PLCL2: variants seen among roughly 807,000 people sequenced by gnomAD.
The protein encoded by PLCL2 is phospholipase C like 2.
PLCL2 carries 4 observed loss-of-function variants against 79.6 expected under a neutral mutation model. The ratio of observed to expected loss-of-function variants is 0.05; its 90% CI spans 0.02 to 0.11. The LOEUF is 0.11. Among genes scored for constraint, PLCL2 ranks in the 10% least tolerant of loss-of-function variants. The pLI is 1.00. For missense variants in PLCL2, 895 were observed against 1,291.0 expected, an observed-to-expected ratio of 0.69 and a Z score of 4.70; for synonymous variants, 484 against 457.7, an observed-to-expected ratio of 1.06 and a Z score of -0.73.
At chr3:16,946,711 A>G (rs1196778535) in intron 1 of PLCL2, among the ~76,000 whole-genome samples, 2 of 152,134 alleles carry the variant, frequency 1.3e-5, no homozygotes. Context: ...TTTCTAGTCT[A>G]TAAATGGAAT....
intron 1 of PLCL2, among the ~76,000 whole-genome samples, chr3:16,979,601 C>A (rs2063960057): frequency 7.7e-6 from 1 of 130,024 alleles, no homozygotes; most frequent in Non-Finnish European, 1.6e-5. Flanking sequence ...CGCCCTTAAT[C>A]CATTCAACCC....
At chr3:17,035,308 C>T (rs1426873158) in intron 3 of PLCL2, among the ~76,000 whole-genome samples, 1 of 152,030 alleles carries the variant, frequency 6.6e-6, no homozygotes, top group African/African-American at 2.4e-5. Context: ...AACATGTTTA[C>T]TTGTAAACTG....
At chr3:17,001,920 T>C (rs1292935728) in intron 1 of PLCL2, among the ~76,000 whole-genome samples, 1 of 151,970 alleles carries the variant, frequency 6.6e-6, no homozygotes, top group Non-Finnish European at 1.5e-5. Flanking sequence ...TTGCATTAAA[T>C]TGATAGATCA....
chr3:17,088,054 T>C (rs1195422514), intron 5 of PLCL2, among the ~76,000 whole-genome samples: 1 of 152,212 alleles, frequency 6.6e-6, no homozygotes, highest in Non-Finnish European at 1.5e-5. Context: ...TTAGTTAATC[T>C]ACGCAAGGGA....
At chr3:16,928,005 C>T (rs1697298060) in intron 1 of PLCL2, among the ~76,000 whole-genome samples, 1 of 152,210 alleles carries the variant, frequency 6.6e-6, no homozygotes, top group Non-Finnish European at 1.5e-5. Flanking sequence ...AACATACTCC[C>T]ATTCCTGTGC....
intron 1 of PLCL2, among the ~76,000 whole-genome samples, chr3:17,001,373 C>T (rs2064209421): frequency 6.6e-6 from 1 of 151,968 alleles, no homozygotes; most frequent in Non-Finnish European, 1.5e-5. Flanking sequence ...AATGTAATCC[C>T]ATTTATTTAT....
chr3:16,953,750 T>C (rs181879969), intron 1 of PLCL2, among the ~76,000 whole-genome samples: 93 of 152,258 alleles, frequency 6.1e-4, no homozygotes, highest in Middle Eastern at 3.4e-3. Flanking sequence ...GTCCAGACTT[T>C]AAAAACCTCC....
At chr3:17,080,522 C>T (rs2065152191) in intron 5 of PLCL2, among the ~76,000 whole-genome samples, 2 of 152,142 alleles carry the variant, frequency 1.3e-5, no homozygotes, top group South Asian at 4.1e-4. Context: ...GTGATCTTGG[C>T]TCACTGCAAC....
At chr3:17,060,906 T>G (rs762952558) in intron 4 of PLCL2, among the ~76,000 whole-genome samples, 17 of 152,198 alleles carry the variant, frequency 1.1e-4, no homozygotes, top group African/African-American at 1.9e-4. Flanking sequence ...TGCTTTTAAT[T>G]TGTTTTTTAA....
intron 1 of PLCL2, among the ~76,000 whole-genome samples, chr3:16,917,155 A>G (rs890538613): frequency 1.3e-5 from 2 of 152,264 alleles, no homozygotes; most frequent in East Asian, 1.9e-4. Flanking sequence ...AAGGACACAC[A>G]TCCTCTGTGT....
intron 1 of PLCL2, among the ~76,000 whole-genome samples, chr3:16,893,813 T>TA (rs1219735741): frequency 6.6e-6 from 1 of 152,220 alleles, no homozygotes; most frequent in Non-Finnish European, 1.5e-5. Context: ...TATACTTGTG[T>TA]ATGCATATAC....
intron 1 of PLCL2, among the ~76,000 whole-genome samples, chr3:16,890,248 G>T (rs1696315043): frequency 6.6e-6 from 1 of 152,124 alleles, no homozygotes; most frequent in Admixed American, 6.5e-5. Context: ...CCCCCAAATG[G>T]TTGTATTTGA....
At chr3:16,989,918 A>T (rs2064087053) in intron 1 of PLCL2, among the ~76,000 whole-genome samples, 1 of 152,178 alleles carries the variant, frequency 6.6e-6, no homozygotes, top group Non-Finnish European at 1.5e-5. Flanking sequence ...AGGTGCTCAG[A>T]CAGGATAGGA....
At chr3:17,080,644 T>C (rs769272625) in intron 5 of PLCL2, among the ~76,000 whole-genome samples, 92 of 152,156 alleles carry the variant, frequency 6.0e-4, no homozygotes, top group Non-Finnish European at 8.4e-4. Context: ...AGAGACAGGA[T>C]TTCACCATGT....
intron 1 of PLCL2, among the ~76,000 whole-genome samples, chr3:16,996,624 G>T (rs943171816): frequency 6.6e-6 from 1 of 151,878 alleles, no homozygotes; most frequent in Non-Finnish European, 1.5e-5. Context: ...GGTTTTACAG[G>T]AATTTGAGGA....
chr3:16,902,811 A>C (rs551294652), intron 1 of PLCL2, among the ~76,000 whole-genome samples: 1 of 142,296 alleles, frequency 7.0e-6, no homozygotes, highest in African/African-American at 2.7e-5. Context: ...TGGTAAACAG[A>C]GCTACACTCC....
At chr3:16,917,103 C>T (rs573091956) in intron 1 of PLCL2, among the ~76,000 whole-genome samples, 34 of 152,272 alleles carry the variant, frequency 2.2e-4, no homozygotes, top group African/African-American at 7.9e-4. Flanking sequence ...CCCTTTCTGT[C>T]CTTCACATCC....
At chr3:16,988,283 T>C (rs1410591133) in intron 1 of PLCL2, among the ~76,000 whole-genome samples, 1 of 152,128 alleles carries the variant, frequency 6.6e-6, no homozygotes, top group African/African-American at 2.4e-5. Context: ...GGGGTATATT[T>C]AGAACCAACA....
chr3:17,046,960 A>G (rs534872835), intron 4 of PLCL2, among the ~76,000 whole-genome samples: 6 of 152,176 alleles, frequency 3.9e-5, no homozygotes, highest in Admixed American at 1.3e-4. Flanking sequence ...CAAAATTCTC[A>G]TTCTCCATAT....
Sources: allele counts gnomAD v4.1 joint callset (sites outside exome capture counted in the v4.1 genomes callset), GRCh38; gene constraint gnomAD v4.1.1; transcripts MANE v1.5; gene names NCBI Gene and HGNC (gene_info 2026-07-23, HGNC 2026-07-21).